RSU1: variants seen among roughly 807,000 people sequenced by gnomAD.
The protein encoded by RSU1 is rsu-1.
RSU1 carries 26 observed loss-of-function variants against 31.1 expected under a neutral mutation model. The ratio of observed to expected loss-of-function variants is 0.84; its 90% CI spans 0.61 to 1.16. RSU1 has a LOEUF of 1.16. Ranked by LOEUF, RSU1 falls within the 50% of genes most tolerant of loss-of-function variation. The pLI is 0.00. For synonymous variants in RSU1, 164 were observed against 136.3 expected (o/e 1.20, Z -1.41); for missense variants, 320 against 339.1 (o/e 0.94, Z 0.44).
At chr10:16,654,361 CAAAA>C (rs536600415) in intron 8 of RSU1, among the ~76,000 whole-genome samples, 19 of 92,278 alleles carry the variant, frequency 2.1e-4, no homozygotes, top group East Asian at 1.3e-3. Context: ...CCTAAATTTG[CAAAA>C]AAAAAAAAAA....
intron 7 of RSU1, among the ~76,000 whole-genome samples, chr10:16,713,220 T>G (rs1477210384): frequency 6.6e-6 from 1 of 152,204 alleles, no homozygotes; most frequent in East Asian, 1.9e-4. Context: ...CTGAACTTGC[T>G]GAATTCCTAT....
At chr10:16,652,961 G>A (rs1358791932) in intron 8 of RSU1, among the ~76,000 whole-genome samples, 3 of 152,040 alleles carry the variant, frequency 2.0e-5, no homozygotes, top group Admixed American at 6.5e-5. Context: ...TTACATGCGT[G>A]AGCCACAATG....
At chr10:16,632,340 G>A (rs1834266847) in intron 8 of RSU1, among the ~76,000 whole-genome samples, 1 of 151,974 alleles carries the variant, frequency 6.6e-6, no homozygotes, top group Admixed American at 6.6e-5. Context: ...AAAAAACAAG[G>A]CCTTTTAAAA....
chr10:16,786,746 C>T (rs1258397065), intron 2 of RSU1, among the ~76,000 whole-genome samples: 5 of 152,140 alleles, frequency 3.3e-5, no homozygotes, highest in East Asian at 1.9e-4. Context: ...TCTCCTCTAA[C>T]GACGAGAACT....
intron 8 of RSU1, among the ~76,000 whole-genome samples, chr10:16,646,356 T>G (rs1268273482): frequency 2.6e-5 from 4 of 152,254 alleles, no homozygotes; most frequent in African/African-American, 9.6e-5. Flanking sequence ...CCCTGCTCAC[T>G]ATCCGTACAG....
At chr10:16,800,472 T>C (rs958181553) in intron 2 of RSU1, among the ~76,000 whole-genome samples, 5 of 152,200 alleles carry the variant, frequency 3.3e-5, no homozygotes, top group African/African-American at 9.6e-5. Context: ...ATTAGTAGAA[T>C]GGATACAGTC....
chr10:16,673,150 T>C (rs372363409), intron 8 of RSU1, among the ~76,000 whole-genome samples: 10 of 152,190 alleles, frequency 6.6e-5, no homozygotes, highest in African/African-American at 1.7e-4. Context: ...TTTGACCCCA[T>C]TGAAATGCTT....
chr10:16,720,480 T>A (rs73604902), intron 7 of RSU1, among the ~76,000 whole-genome samples: 3,141 of 152,312 alleles, frequency 0.021, 85 homozygotes, highest in East Asian at 0.1. Flanking sequence ...AAAAACAACA[T>A]GTATAATATT....
At chr10:16,803,088 T>C (rs1265362324) in intron 2 of RSU1, among the ~76,000 whole-genome samples, 1 of 152,136 alleles carries the variant, frequency 6.6e-6, no homozygotes, top group Non-Finnish European at 1.5e-5. Flanking sequence ...GAATTAAAAC[T>C]GTCTTTCTCC....
chr10:16,605,354 A>G (rs1038002144), intron 8 of RSU1, among the ~76,000 whole-genome samples: 11 of 152,322 alleles, frequency 7.2e-5, no homozygotes, highest in Admixed American at 3.3e-4. Context: ...CTAGAGCACC[A>G]GAACCTTATC....
At chr10:16,771,353 T>C (rs1343354559) in intron 3 of RSU1, among the ~76,000 whole-genome samples, 2 of 152,118 alleles carry the variant, frequency 1.3e-5, no homozygotes, top group Non-Finnish European at 2.9e-5. Flanking sequence ...AAAATCAAAT[T>C]AGCAGAAACT....
chr10:16,792,325 C>A (rs1303999632), intron 2 of RSU1, among the ~76,000 whole-genome samples: 1 of 152,222 alleles, frequency 6.6e-6, no homozygotes, highest in Non-Finnish European at 1.5e-5. Context: ...CTCCACCTCC[C>A]GAGTTCAAAT....
intron 8 of RSU1, among the ~76,000 whole-genome samples, chr10:16,643,622 T>C (rs1315353014): frequency 6.6e-6 from 1 of 152,042 alleles, no homozygotes; most frequent in Non-Finnish European, 1.5e-5. Context: ...GCCCATAGAG[T>C]TACCTATCTG....
At chr10:16,597,056 C>G (rs564907218) in intron 8 of RSU1, among the ~76,000 whole-genome samples, 1 of 152,336 alleles carries the variant, frequency 6.6e-6, no homozygotes, top group East Asian at 1.9e-4. Flanking sequence ...AAAGATGACT[C>G]CACTGTTCAT....
intron 8 of RSU1, among the ~76,000 whole-genome samples, chr10:16,664,503 T>G (rs1051540548): frequency 6.6e-6 from 1 of 152,218 alleles, no homozygotes; most frequent in Non-Finnish European, 1.5e-5. Context: ...AAGACAACAT[T>G]GATGAATGCT....
intron 4 of RSU1, among the ~76,000 whole-genome samples, chr10:16,760,474 A>G (rs1837187108): frequency 6.6e-6 from 1 of 151,346 alleles, no homozygotes; most frequent in South Asian, 2.1e-4. Flanking sequence ...ATGCCATTGC[A>G]CTGGAGCCTG....
intron 8 of RSU1, among the ~76,000 whole-genome samples, chr10:16,661,893 T>C (rs370461621): frequency 3.9e-5 from 6 of 152,362 alleles, no homozygotes; most frequent in East Asian, 3.9e-4. Context: ...TTGAGGATTT[T>C]CCTCTACTCT....
chr10:16,663,405 T>C (rs191609244), intron 8 of RSU1, among the ~76,000 whole-genome samples: 142 of 152,318 alleles, frequency 9.3e-4, no homozygotes, highest in Non-Finnish European at 1.7e-3. Context: ...ATTTGCTTAC[T>C]TGGGAGTCTA....
At chr10:16,729,807 C>T (rs1334688796) in intron 7 of RSU1, among the ~76,000 whole-genome samples, 3 of 152,188 alleles carry the variant, frequency 2.0e-5, no homozygotes, top group African/African-American at 7.2e-5. Flanking sequence ...TTTCCTTGTA[C>T]ACTGGCTCTG....
Sources: gnomAD v4.1 joint callset for allele counts (sites outside exome capture counted in the v4.1 genomes callset) on GRCh38, gnomAD v4.1.1 for gene constraint, MANE v1.5 for transcripts, NCBI Gene and HGNC (gene_info 2026-07-23, HGNC 2026-07-21) for gene names.